HAPLN3: variants seen among roughly 807,000 people sequenced by gnomAD.
HAPLN3 encodes the protein hyaluronan and proteoglycan link protein 3, also known as extracellular link domain containing, 1.
Under a neutral mutation model 28.1 loss-of-function variants are expected in HAPLN3, and 28 were observed. The observed-to-expected ratio is 1.00, with a 90% CI of 0.74 to 1.37. The LOEUF (loss-of-function observed/expected upper bound fraction) is 1.37. Among genes scored for constraint, HAPLN3 ranks in the 40% most tolerant of loss-of-function variants. The pLI, the probability that HAPLN3 is intolerant of heterozygous loss-of-function variation, is 0.00. For missense variants in HAPLN3, 513 were observed against 504.6 expected, an observed-to-expected ratio of 1.02 and a Z score of -0.16; for synonymous variants, 211 against 213.1, an observed-to-expected ratio of 0.99 and a Z score of 0.09.
intron 1 of HAPLN3, among the ~76,000 whole-genome samples, chr15:88,889,737 A>G (rs759380968): frequency 8.8e-4 from 134 of 152,324 alleles, no homozygotes; most frequent in Non-Finnish European, 1.7e-3. Context: ...GGCTGAGTGG[A>G]AGGTAGACCT....
intron 2 of HAPLN3, among the ~76,000 whole-genome samples, chr15:88,886,453 A>G (rs1160723749): frequency 6.6e-6 from 1 of 151,750 alleles, no homozygotes; most frequent in Non-Finnish European, 1.5e-5. Flanking sequence ...CGCCCAACCC[A>G]TGTTGGGTGC....
In HAPLN3 at chr15:88,877,881, G is replaced by C; in HGVS notation, c.*89C>G. On this transcript the variant is annotated 3_prime_UTR_variant, in exon 5 of 5. Coordinates refer to ENST00000359595, the MANE Select transcript of HAPLN3 (RefSeq NM_178232.4). The surrounding 1 kb of genome is among the most constrained non-coding windows in gnomAD (Gnocchi z 5.1). ...ATTTAAATTGAGAAGTATAAAAACA[G>C]TTAAAATGGCTCCAACCCACAAGGG... 2 of 1,314,264 alleles carry C rather than the reference G, an allele frequency of 1.5e-6. No individual in the cohort carries two copies. The highest frequency in any genetic ancestry group is 2.1e-6 in the Non-Finnish European group (2 of 962,596). The allele number at this position is 1,314,264 out of a possible 1,614,324, so 81.4% of individuals were successfully genotyped here.
In HAPLN3 at chr15:88,881,843, A is replaced by T; in HGVS notation, c.125-118T>A. On this transcript the variant is annotated intron_variant, in intron 2 of 4. Coordinates refer to ENST00000359595, the MANE Select transcript of HAPLN3 (RefSeq NM_178232.4). This position sits in a 1 kb window ranked among gnomAD's most constrained non-coding sequence, Gnocchi z 6.0. ...GGCTCAGATTGCAAAAATGGCCACC[A>T]TGCTCCACCCCTCCCTGTATCCACA... is the stretch of plus-strand genomic sequence containing the variant. 6.1e-6 allele frequency: 6 copies of T among 991,458 alleles called. No individual in the cohort carries two copies. Among genetic ancestry groups the T allele is most frequent in the Non-Finnish European group, 8.8e-6 (6 of 680,272 alleles). The allele number at this position is 991,458 out of a possible 1,614,324, so 61.4% of individuals were successfully genotyped here.
intron 1 of HAPLN3, among the ~76,000 whole-genome samples, chr15:88,889,870 C>T (rs144584844): frequency 1.3e-5 from 2 of 152,226 alleles, no homozygotes; most frequent in African/African-American, 4.8e-5. Context: ...ACAATTGCCT[C>T]TGCTATGATT....
intron 2 of HAPLN3, among the ~76,000 whole-genome samples, chr15:88,885,070 C>G (rs1249088030): frequency 1.3e-5 from 2 of 152,190 alleles, no homozygotes; most frequent in Non-Finnish European, 2.9e-5. Context: ...TTACAGCTGA[C>G]CTAGGAGACT....
rs1169492999 is a variant in HAPLN3 at position 88,888,711 on chromosome 15, G to A, written c.-47-1366C>T. Among the ~76,000 whole-genome samples the A allele has an allele frequency of 6.6e-6, 1 of 152,148 alleles. No homozygotes were observed. Among genetic ancestry groups the A allele is most frequent in the East Asian group, 1.9e-4 (1 of 5,188 alleles). On this transcript the variant is annotated intron_variant, in intron 1 of 4. Transcript: ENST00000359595. The surrounding 1 kb of genome is among the most constrained non-coding windows in gnomAD (Gnocchi z 4.1). The stretch of plus-strand genomic sequence containing the variant: ...GGTCCAGGGAGGGGGCAGAGTCGTG[G>A]GCAGGCAGTCTTGATTGCTGTGTGT...
intron 2 of HAPLN3, among the ~76,000 whole-genome samples, chr15:88,885,633 T>C (rs1897832750): frequency 6.6e-6 from 1 of 152,140 alleles, no homozygotes; most frequent in Admixed American, 6.5e-5. Context: ...ACTTTTGTAT[T>C]TTTAGTAGAG....
At chr15:88,893,023 C>G in intron 1 of HAPLN3, 1 of 1,507,102 alleles carries the variant, frequency 6.6e-7, no homozygotes, top group Non-Finnish European at 8.9e-7. Context: ...TCTGGGCACT[C>G]AGACCTGGGC....
Position 88,881,745 on chromosome 15 carries a change from G to A in HAPLN3, c.125-20C>T, listed in dbSNP as rs1734661244. On this transcript the variant is annotated intron_variant, in intron 2 of 4. Transcript: ENST00000359595. The surrounding 1 kb of genome is among the most constrained non-coding windows in gnomAD (Gnocchi z 6.0). ...GGAGGTCTTGGGGGAGAGACAGGGT[G>A]CAGATGAGACCTGCTGAAGCACATC... 3.8e-6 allele frequency: 6 copies of A among 1,593,606 alleles called. No individual in the cohort carries two copies. The East Asian group carries it at 1.1e-4, about 30-fold the overall frequency.
intron 1 of HAPLN3, among the ~76,000 whole-genome samples, chr15:88,890,676 G>C (rs4932441): frequency 0.053 from 8,028 of 152,110 alleles, 292 homozygotes; most frequent in East Asian, 0.16. Flanking sequence ...GCCACATCCA[G>C]GTCTGGCAGT....
At position 88,893,115 on chromosome 15, in the gene HAPLN3, G is replaced by A. The variant is rs1382650538; in HGVS notation, c.-48+2344C>T. The A allele has an allele frequency of 5.1e-6, 4 of 783,050 alleles. No individual in the cohort carries two copies. In the Admixed American group the frequency reaches 8.0e-5, roughly 16 times the overall value. 48.5% of individuals were successfully genotyped at this position (783,050 alleles called of 1,614,324 possible). On this transcript the variant is annotated intron_variant, in intron 1 of 4. Coordinates refer to ENST00000359595, the MANE Select transcript of HAPLN3 (RefSeq NM_178232.4). ...TCTCTGTGCCTCCATTTCCTCATCT[G>A]TAAAAAAAAGGAACTTAAGGCCGGG... is the stretch of plus-strand genomic sequence containing the variant.
At chr15:88,889,931 A>G (rs1897965621) in intron 1 of HAPLN3, among the ~76,000 whole-genome samples, 1 of 151,046 alleles carries the variant, frequency 6.6e-6, no homozygotes, top group African/African-American at 2.4e-5. Context: ...GAAGATGAGG[A>G]AACACTTAAA....
chr15:88,889,276 G>GT (rs1422550043), intron 1 of HAPLN3, among the ~76,000 whole-genome samples: 1 of 152,136 alleles, frequency 6.6e-6, no homozygotes, highest in Non-Finnish European at 1.5e-5. Context: ...GGGAGAGGAG[G>GT]TAAGGGGGTC....
Position 88,877,808 on chromosome 15 carries a change from T to G in HAPLN3, c.*162A>C, listed in dbSNP as rs1897568034. On this transcript the variant is annotated 3_prime_UTR_variant, in exon 5 of 5. Coordinates refer to ENST00000359595, the MANE Select transcript of HAPLN3 (RefSeq NM_178232.4). This position sits in a 1 kb window ranked among gnomAD's most constrained non-coding sequence, Gnocchi z 5.1. ...GGCATCCAGGAGCAAAGGGAGGCAT[T>G]GGGTTCTGTTTGCTTTACAAAAAAT... The G allele has an allele frequency of 1.4e-6, 1 of 703,196 alleles. No individual in the cohort carries two copies. The highest frequency in any genetic ancestry group is 2.3e-6 in the Non-Finnish European group (1 of 438,386). 43.6% of individuals were successfully genotyped at this position (703,196 alleles called of 1,614,324 possible). A position where few individuals can be genotyped will look rare whatever the true frequency, so the allele number is the denominator to read the frequency against.
chr15:88,887,919 T>A (rs1214708948), intron 1 of HAPLN3, among the ~76,000 whole-genome samples: 2 of 151,650 alleles, frequency 1.3e-5, no homozygotes, highest in African/African-American at 4.8e-5. Flanking sequence ...GCCAAGATCA[T>A]GCCATTGCAC....
Position 88,881,458 on chromosome 15 carries a change from A to C in HAPLN3, c.392T>G (p.Leu131Arg), listed in dbSNP as rs1178532123. 1 of 1,614,044 alleles carries C rather than the reference A, an allele frequency of 6.2e-7. No homozygotes were observed. The highest frequency in any genetic ancestry group is 2.2e-5 in the East Asian group (1 of 44,886). The change falls in exon 3 of 5, where the codon CTG (leucine) becomes CGG (arginine). Residue 131 changes from leucine (L) to arginine (R), a missense_variant. Physicochemically the swap from Leu to Arg is moderately radical, Grantham distance 102. Coordinates refer to ENST00000359595, the MANE Select transcript of HAPLN3 (RefSeq NM_178232.4). The surrounding 1 kb of genome is among the most constrained non-coding windows in gnomAD (Gnocchi z 6.0). The stretch of plus-strand genomic sequence containing the variant: ...CTCCAGCCGCAGATCCTGGATCTCC[A>C]GCGAGACGTCATGCTCTTTGTCCTG... ...LRQDKEHDVSLEIQDLRLEDY... is the reference protein window; with the variant it reads ...LRQDKEHDVSREIQDLRLEDY...
intron 1 of HAPLN3, chr15:88,892,941 T>C: frequency 6.5e-7 from 1 of 1,532,964 alleles, no homozygotes; most frequent in Non-Finnish European, 8.7e-7. Context: ...TGCCACCAGC[T>C]GGAAGGCCCA....
chr15:88,886,726 G>A lies in HAPLN3; in HGVS notation c.124+449C>T, dbSNP rs184425581. Among the ~76,000 whole-genome samples the A allele has an allele frequency of 3.6e-3, 544 of 152,264 alleles. 25 individuals are homozygous for A. The South Asian group carries it at 0.091, about 26-fold the overall frequency. ...TGTAATCCCAGCTACTCGGGAGGCC[G>A]AGGCAGGAGAATCGCTTGAACCCGG... is the stretch of plus-strand genomic sequence containing the variant. On this transcript the variant is annotated intron_variant, in intron 2 of 4. Coordinates refer to ENST00000359595, the MANE Select transcript of HAPLN3 (RefSeq NM_178232.4).
At chr15:88,889,445 C>T (rs1897952289) in intron 1 of HAPLN3, among the ~76,000 whole-genome samples, 1 of 152,218 alleles carries the variant, frequency 6.6e-6, no homozygotes, top group African/African-American at 2.4e-5. Context: ...AAGTGATTCT[C>T]ATGCCTCAGC....
Sources: gnomAD v4.1 joint callset for allele counts (sites outside exome capture counted in the v4.1 genomes callset) on GRCh38, gnomAD v4.1.1 for gene constraint, Gnocchi (gnomAD v3.1) non-coding constraint, MANE v1.5 for transcripts, NCBI Gene and HGNC (gene_info 2026-07-23, HGNC 2026-07-21) for gene names.